Variants in CEACAM21 observed in about 807,000 individuals in gnomAD.
CEACAM21 encodes the protein cell adhesion molecule CEACAM21.
A neutral mutation model predicts 33.2 loss-of-function variants in CEACAM21; 38 were observed. The ratio of observed to expected loss-of-function variants is 1.14; its 90% CI spans 0.88 to 1.50. The LOEUF is 1.50. CEACAM21 is among the 40% of genes most tolerant of loss of function. CEACAM21 has a pLI of 0.00. For synonymous variants in CEACAM21, 156 were observed against 143.0 expected, an observed-to-expected ratio of 1.09 and a Z score of -0.65; for missense variants, 385 against 364.6, an observed-to-expected ratio of 1.06 and a Z score of -0.46.
At chr19:41,579,203 C>T (rs2043178766) in intron 2 of CEACAM21, 150 bp from the exon 3 acceptor site, 10 of 1,297,352 alleles carry the variant, frequency 7.7e-6, no homozygotes, top group Middle Eastern at 1.9e-4. Flanking sequence ...CCCTACTGCT[C>T]GCTGCTATGG....
Position 41,586,589 on chromosome 19 carries a change from G to A in CEACAM21, c.*126G>A, listed in dbSNP as rs1305505287. 3 of 594,524 alleles carry A rather than the reference G, an allele frequency of 5.0e-6. No individual in the cohort carries two copies. The highest frequency in any genetic ancestry group is 9.9e-6 in the Non-Finnish European group (3 of 304,208). 36.8% of individuals were successfully genotyped at this position (594,524 alleles called of 1,614,324 possible). Reference sequence around the variant, plus strand: ...GCGTCCCTGAAGCCCCCAGCCCTGGGGATGGGGAAGGACATGGAGCCTGAG... The same window carrying A: ...GCGTCCCTGAAGCCCCCAGCCCTGGAGATGGGGAAGGACATGGAGCCTGAG... On this transcript the variant is annotated 3_prime_UTR_variant, in exon 7 of 7. Coordinates refer to ENST00000401445, the MANE Select transcript of CEACAM21 (RefSeq NM_001098506.4).
In CEACAM21 at chr19:41,586,802, G is replaced by A; in HGVS notation, c.*339G>A. On this transcript the variant is annotated 3_prime_UTR_variant, in exon 7 of 7. Coordinates refer to ENST00000401445, the MANE Select transcript of CEACAM21 (RefSeq NM_001098506.4). Reference sequence around the variant, plus strand: ...GTGAATGGGCCTATGGCCCACCCGGGGTCACCTGGAAAGGATCTGAATAAA... The same window carrying A: ...GTGAATGGGCCTATGGCCCACCCGGAGTCACCTGGAAAGGATCTGAATAAA... 1 of 292,888 alleles carries A rather than the reference G, an allele frequency of 3.4e-6. No individual in the cohort carries two copies. Among genetic ancestry groups the A allele is most frequent in the Non-Finnish European group, 6.7e-6 (1 of 148,270 alleles). 18.1% of individuals were successfully genotyped at this position (292,888 alleles called of 1,614,324 possible). A position where few individuals can be genotyped will look rare whatever the true frequency, so the allele number is the denominator to read the frequency against.
At chr19:41,576,659 A>T (rs1242847331) in intron 1 of CEACAM21, among the ~76,000 whole-genome samples, 1 of 152,208 alleles carries the variant, frequency 6.6e-6, no homozygotes, top group South Asian at 2.1e-4. Flanking sequence ...AACCTCAGAC[A>T]TTAGCAAATA....
chr19:41,561,355 G>A (rs1447534777), intron 1 of CEACAM21, among the ~76,000 whole-genome samples: 1 of 148,754 alleles, frequency 6.7e-6, no homozygotes, highest in African/African-American at 2.5e-5. Flanking sequence ...ACTTTCACAT[G>A]CAAGGCCTCT....
chr19:41,573,868 C>A (rs1266630114), upstream of CEACAM21, among the ~76,000 whole-genome samples: 2 of 152,256 alleles, frequency 1.3e-5, no homozygotes, highest in East Asian at 1.9e-4. Flanking sequence ...TGAACTACAT[C>A]TTTTTTAAAA....
intron 2 of CEACAM21, among the ~76,000 whole-genome samples, chr19:41,571,028 G>C (rs548430685): frequency 9.2e-5 from 14 of 152,182 alleles, no homozygotes; most frequent in Admixed American, 2.0e-4. Context: ...TTGACATTTG[G>C]GTGGTCAAAC....
intron 2 of CEACAM21, among the ~76,000 whole-genome samples, chr19:41,570,297 C>T (rs1278837630): frequency 6.6e-6 from 1 of 152,144 alleles, no homozygotes; most frequent in African/African-American, 2.4e-5. Flanking sequence ...AGGAAAAAGG[C>T]TGGAGGCTTA....
intron 4 of CEACAM21, among the ~76,000 whole-genome samples, chr19:41,584,974 A>G (rs782160052): frequency 2.0e-5 from 3 of 152,258 alleles, no homozygotes; most frequent in Non-Finnish European, 4.4e-5. Flanking sequence ...GGGCAGAGAC[A>G]GAAGACAAGA....
At position 41,555,419 on chromosome 19, in the gene CEACAM21, A is replaced by G. The variant is rs1416855533; in HGVS notation, c.-779+5867A>G. The G allele has an allele frequency of 4.6e-5, 7 of 151,414 alleles. No individual in the cohort carries two copies. In the East Asian group the frequency reaches 1.2e-3, roughly 25 times the overall value. 9.4% of individuals were successfully genotyped at this position (151,414 alleles called of 1,614,324 possible). A position where few individuals can be genotyped will look rare whatever the true frequency, so the allele number is the denominator to read the frequency against. On this transcript the variant is annotated intron_variant, in intron 1 of 7. Coordinates refer to the CEACAM21 transcript ENST00000407170. ...GAAAGTCATATTTGGAGGCCAATCT[A>G]GTTAGATTAGATAAATAGTTTTTAA...
intron 2 of CEACAM21, among the ~76,000 whole-genome samples, chr19:41,568,856 A>G (rs1217078174): frequency 3.3e-5 from 5 of 152,250 alleles, no homozygotes; most frequent in African/African-American, 9.6e-5. Flanking sequence ...GTGTTTTGAC[A>G]GAAATTGCAT....
At chr19:41,549,825 T>A (rs1269229943) in intron 1 of CEACAM21, among the ~76,000 whole-genome samples, 2 of 152,216 alleles carry the variant, frequency 1.3e-5, no homozygotes, top group African/African-American at 2.4e-5. Flanking sequence ...CCTGAGCAGC[T>A]GGGACTCTAG....
chr19:41,572,671 C>T (rs1294494386), upstream of CEACAM21, among the ~76,000 whole-genome samples: 1 of 152,156 alleles, frequency 6.6e-6, no homozygotes, highest in Non-Finnish European at 1.5e-5. Flanking sequence ...CCCAAAACCA[C>T]CCCACTGAGC....
At chr19:41,583,773 G>T (rs1555794193) in intron 3 of CEACAM21, among the ~76,000 whole-genome samples, 2 of 152,162 alleles carry the variant, frequency 1.3e-5, no homozygotes, top group Non-Finnish European at 2.9e-5. Flanking sequence ...ATAACACATG[G>T]GGATTATTAC....
intron 1 of CEACAM21, among the ~76,000 whole-genome samples, chr19:41,556,196 AAAG>A (rs1246141343): frequency 2.1e-4 from 32 of 152,266 alleles, no homozygotes; most frequent in Admixed American, 3.9e-4. Context: ...AAAGAAGGGA[AAAG>A]AAGAAGTACA....
upstream of CEACAM21, among the ~76,000 whole-genome samples, chr19:41,572,961 C>T (rs1331633421): frequency 6.6e-6 from 1 of 152,202 alleles, no homozygotes; most frequent in African/African-American, 2.4e-5. Flanking sequence ...TCCAGATCTT[C>T]TCCCACCTGC....
chr19:41,568,244 G>A lies in CEACAM21; in HGVS notation c.-404+3188G>A, dbSNP rs192686022. On this transcript the variant is annotated intron_variant, in intron 2 of 7. Transcript: ENST00000407170. ...CATTTGTAGGTTGTCTCTTTGCTCT[G>A]CTGGCCTTTTTTTTCTTTGCTGTAT... 2.0e-4 allele frequency among the ~76,000 whole-genome samples: 30 copies of A among 151,920 alleles called. No individual in the cohort carries two copies. The East Asian group carries it at 5.6e-3, about 28-fold the overall frequency.
intron 4 of CEACAM21, 125 bp downstream of exon 4, chr19:41,584,568 C>T: frequency 2.4e-6 from 2 of 824,958 alleles, no homozygotes; most frequent in Non-Finnish European, 3.9e-6. Context: ...GGGATCCTTC[C>T]CTCTCATTCC....
At chr19:41,563,841 A>C (rs2042062049) in intron 1 of CEACAM21, among the ~76,000 whole-genome samples, 1 of 152,214 alleles carries the variant, frequency 6.6e-6, no homozygotes, top group African/African-American at 2.4e-5. Flanking sequence ...GGGCTGGCAC[A>C]GTGGTGGACT....
chr19:41,562,019 G>A (rs560269374), intron 1 of CEACAM21, among the ~76,000 whole-genome samples: 20 of 152,364 alleles, frequency 1.3e-4, no homozygotes, highest in African/African-American at 4.3e-4. Flanking sequence ...GCCAAAGAGG[G>A]TGGATCACCT....
Sources: allele counts gnomAD v4.1 joint callset (sites outside exome capture counted in the v4.1 genomes callset), GRCh38; gene constraint gnomAD v4.1.1; transcripts MANE v1.5; gene names NCBI Gene and HGNC (gene_info 2026-07-23, HGNC 2026-07-21).